Variants in NEGR1 observed in about 807,000 individuals in gnomAD.
NEGR1 encodes the protein IgLON family member 4.
A neutral mutation model predicts 40.9 loss-of-function variants in NEGR1; 10 were observed. That is an observed-to-expected ratio of 0.24 (90% CI 0.15 to 0.42). The LOEUF is 0.42. Among genes scored for constraint, NEGR1 ranks in the 10% least tolerant of loss-of-function variants. The pLI, the probability that NEGR1 is intolerant of heterozygous loss-of-function variation, is 1.00. For missense variants in NEGR1, 352 were observed against 438.9 expected, an observed-to-expected ratio of 0.80 and a Z score of 1.77; for synonymous variants, 185 against 166.8, an observed-to-expected ratio of 1.11 and a Z score of -0.84.
chr1:71,432,442 C>T (rs1385754639), intron 6 of NEGR1, among the ~76,000 whole-genome samples: 2 of 152,074 alleles, frequency 1.3e-5, no homozygotes, highest in Non-Finnish European at 2.9e-5. Context: ...AAATTTTACA[C>T]CAAAATATGG....
intron 1 of NEGR1, among the ~76,000 whole-genome samples, chr1:72,024,219 T>C (rs1285559055): frequency 6.6e-6 from 1 of 152,134 alleles, no homozygotes; most frequent in Non-Finnish European, 1.5e-5. Flanking sequence ...AAAAATTCTA[T>C]GTATTAAGGT....
intron 1 of NEGR1, among the ~76,000 whole-genome samples, chr1:72,278,330 A>G (rs1218041938): frequency 6.6e-6 from 1 of 152,164 alleles, no homozygotes; most frequent in Non-Finnish European, 1.5e-5. Context: ...CGGCTAAAAA[A>G]GTACAAACTT....
chr1:71,671,716 G>T (rs368214952), intron 4 of NEGR1, among the ~76,000 whole-genome samples: 10 of 151,960 alleles, frequency 6.6e-5, no homozygotes, highest in African/African-American at 2.4e-4. Context: ...TCTTCTCACT[G>T]GTCTCTATTC....
chr1:72,244,512 C>T (rs1371651597), intron 1 of NEGR1, among the ~76,000 whole-genome samples: 2 of 151,780 alleles, frequency 1.3e-5, no homozygotes, highest in South Asian at 2.1e-4. Flanking sequence ...CACATATATA[C>T]ATATTGTTTA....
chr1:71,620,891 T>C (rs1311751378), intron 4 of NEGR1, among the ~76,000 whole-genome samples: 1 of 151,950 alleles, frequency 6.6e-6, no homozygotes, highest in Non-Finnish European at 1.5e-5. Flanking sequence ...TACTTAACCC[T>C]TCTAAATCCC....
At chr1:72,023,412 G>C (rs1353762774) in intron 1 of NEGR1, among the ~76,000 whole-genome samples, 1 of 151,760 alleles carries the variant, frequency 6.6e-6, no homozygotes, top group Non-Finnish European at 1.5e-5. Context: ...CTATTTGCTG[G>C]ATGAATCCTA....
chr1:71,499,704 G>T (rs1443511287), intron 6 of NEGR1, among the ~76,000 whole-genome samples: 1 of 151,768 alleles, frequency 6.6e-6, no homozygotes, highest in East Asian at 1.9e-4. Context: ...CTTAACCTTT[G>T]CAGTAGATGT....
chr1:71,623,548 A>G (rs1650675221), intron 4 of NEGR1, among the ~76,000 whole-genome samples: 1 of 151,894 alleles, frequency 6.6e-6, no homozygotes, highest in Non-Finnish European at 1.5e-5. Flanking sequence ...TGTAGAATTG[A>G]GAGGTAATGT....
At chr1:71,744,670 C>G (rs1423660402) in intron 3 of NEGR1, among the ~76,000 whole-genome samples, 1 of 152,004 alleles carries the variant, frequency 6.6e-6, no homozygotes, top group Non-Finnish European at 1.5e-5. Context: ...TATGTAGACA[C>G]CATCTGAGAA....
At chr1:72,190,002 A>G (rs958152526) in intron 1 of NEGR1, among the ~76,000 whole-genome samples, 8 of 151,438 alleles carry the variant, frequency 5.3e-5, no homozygotes, top group Non-Finnish European at 1.2e-4. Flanking sequence ...TCATTTACTT[A>G]TTTCTTTAAT....
At chr1:71,970,389 GA>G (rs1483101761) in intron 1 of NEGR1, among the ~76,000 whole-genome samples, 26 of 152,120 alleles carry the variant, frequency 1.7e-4, no homozygotes, top group Admixed American at 1.4e-3. Context: ...TTGTGTTTTA[GA>G]AAAAAGTCAC....
chr1:72,147,612 T>C (rs1442579139), intron 1 of NEGR1, among the ~76,000 whole-genome samples: 1 of 152,102 alleles, frequency 6.6e-6, no homozygotes, highest in African/African-American at 2.4e-5. Flanking sequence ...CCCTAAAGTC[T>C]TAGTATTTCA....
intron 2 of NEGR1, among the ~76,000 whole-genome samples, chr1:71,911,972 T>C (rs964101201): frequency 1.1e-4 from 17 of 152,156 alleles, no homozygotes; most frequent in African/African-American, 4.1e-4. Flanking sequence ...GGTTGACTAA[T>C]ATATTAATGG....
At chr1:72,280,887 C>T (rs1284102162) in intron 1 of NEGR1, among the ~76,000 whole-genome samples, 1 of 152,070 alleles carries the variant, frequency 6.6e-6, no homozygotes, top group East Asian at 1.9e-4. Flanking sequence ...AGCCAACTAC[C>T]ACCCAGTGGA....
chr1:71,808,297 TCTA>T (rs1415824577), intron 2 of NEGR1, among the ~76,000 whole-genome samples: 1 of 152,242 alleles, frequency 6.6e-6, no homozygotes, highest in Non-Finnish European at 1.5e-5. Context: ...TTCTTCAGTA[TCTA>T]CTAAGGATTT....
intron 6 of NEGR1, among the ~76,000 whole-genome samples, chr1:71,543,589 C>T (rs1212677630): frequency 1.3e-5 from 2 of 151,590 alleles, no homozygotes; most frequent in Non-Finnish European, 3.0e-5. Flanking sequence ...TGAGTTGGAC[C>T]TAAGTGTGTC....
intron 2 of NEGR1, among the ~76,000 whole-genome samples, chr1:71,803,609 AGATATATG>A (rs1417821560): frequency 1.3e-5 from 2 of 152,132 alleles, no homozygotes; most frequent in African/African-American, 4.8e-5. Flanking sequence ...CTCTCCCTTC[AGATATATG>A]CATAGCTTTT....
intron 6 of NEGR1, among the ~76,000 whole-genome samples, chr1:71,423,919 G>A (rs1197095772): frequency 6.7e-6 from 1 of 148,388 alleles, no homozygotes; most frequent in Admixed American, 6.7e-5. Context: ...ACTGTGAGCC[G>A]CAAATTTCTA....
chr1:72,090,791 G>C (rs769415100), intron 1 of NEGR1, among the ~76,000 whole-genome samples: 1 of 152,108 alleles, frequency 6.6e-6, no homozygotes, highest in African/African-American at 2.4e-5. Flanking sequence ...GGGTAAACTA[G>C]AGAGCTGTGG....
Sources: gnomAD v4.1 joint callset for allele counts (sites outside exome capture counted in the v4.1 genomes callset) on GRCh38, gnomAD v4.1.1 for gene constraint, MANE v1.5 for transcripts, NCBI Gene and HGNC (gene_info 2026-07-23, HGNC 2026-07-21) for gene names.